Variants in IGF2BP3 observed in about 807,000 individuals in gnomAD.
IGF2BP3 encodes the protein insulin like growth factor 2 mRNA binding protein 3.
A neutral mutation model predicts 73.8 loss-of-function variants in IGF2BP3; 9 were observed. The observed-to-expected ratio is 0.12, with a 90% confidence interval of 0.07 to 0.21. The LOEUF (loss-of-function observed/expected upper bound fraction) is 0.21. Among genes scored for constraint, IGF2BP3 ranks in the 10% least tolerant of loss-of-function variants. IGF2BP3 has a pLI of 1.00. For synonymous variants in IGF2BP3, 258 were observed against 256.7 expected (o/e 1.01, Z -0.05); for missense variants, 542 against 714.0 (o/e 0.76, Z 2.75).
chr7:23,386,883 A>G (rs533703411), intron 3 of IGF2BP3, among the ~76,000 whole-genome samples: 7 of 152,240 alleles, frequency 4.6e-5, no homozygotes, highest in African/African-American at 1.4e-4. Flanking sequence ...CCTGGCCAAT[A>G]TGGTGAAACC....
At chr7:23,366,988 CTTTTTT>C (rs397942338) in intron 3 of IGF2BP3, among the ~76,000 whole-genome samples, 7 of 116,184 alleles carry the variant, frequency 6.0e-5, no homozygotes, top group African/African-American at 2.3e-4. Flanking sequence ...TCACATTTTG[CTTTTTT>C]TTTTTTTTTT....
chr7:23,416,945 A>G (rs1229643787), intron 3 of IGF2BP3, among the ~76,000 whole-genome samples: 2 of 152,180 alleles, frequency 1.3e-5, no homozygotes, highest in African/African-American at 4.8e-5. Context: ...AATCCCAACT[A>G]CTAGTGAGGC....
chr7:23,448,096 C>A (rs6956228), intron 2 of IGF2BP3, among the ~76,000 whole-genome samples: 102 of 152,136 alleles, frequency 6.7e-4, no homozygotes, highest in African/African-American at 2.3e-3. Flanking sequence ...TGTCAGAGGC[C>A]GGACTCTCCA....
At chr7:23,376,496 C>T (rs937005676) in intron 3 of IGF2BP3, among the ~76,000 whole-genome samples, 1 of 142,172 alleles carries the variant, frequency 7.0e-6, no homozygotes, top group African/African-American at 2.6e-5. Context: ...GATCACACCA[C>T]TGCACTTTAG....
At chr7:23,458,611 T>A (rs187086673) in intron 2 of IGF2BP3, among the ~76,000 whole-genome samples, 40 of 152,174 alleles carry the variant, frequency 2.6e-4, no homozygotes, top group Non-Finnish European at 4.6e-4. Flanking sequence ...TAACCTCCTA[T>A]CTCTTTAGGC....
At chr7:23,455,397 A>G (rs1418544843) in intron 2 of IGF2BP3, among the ~76,000 whole-genome samples, 1 of 152,062 alleles carries the variant, frequency 6.6e-6, no homozygotes, top group African/African-American at 2.4e-5. Flanking sequence ...CTGGGTGCAC[A>G]CGGTTATTAG....
chr7:23,419,621 G>A (rs1787288012), intron 2 of IGF2BP3, among the ~76,000 whole-genome samples: 1 of 152,186 alleles, frequency 6.6e-6, no homozygotes, highest in African/African-American at 2.4e-5. Flanking sequence ...GGTGGCCAAG[G>A]CAGGTGGATC....
Position 23,312,452 on chromosome 7 carries a change from C to T in IGF2BP3, c.1650G>A (p.Gln550=), listed in dbSNP as rs1346870154. 6.2e-7 allele frequency: 1 copy of T among 1,612,270 alleles called. No individual in the cohort carries two copies. Among genetic ancestry groups the T allele is most frequent in the Non-Finnish European group, 8.5e-7 (1 of 1,178,440 alleles). Reference sequence around the variant, plus strand: ...GAGTCAGAATTTCCTGAATTTTTCTCTGGGCAACCTAGAAAAGGACAGAGC... The same window carrying T: ...GAGTCAGAATTTCCTGAATTTTTCTTTGGGCAACCTAGAAAAGGACAGAGC... The part of the protein sequence containing the change: ...TGHFYACQVA[Q]RKIQEILTQV... The change falls in exon 15 of 15, where the codon CAG becomes CAA. Residue 550 remains glutamine, a synonymous_variant. Transcript: ENST00000258729.
intron 2 of IGF2BP3, among the ~76,000 whole-genome samples, chr7:23,435,299 A>C (rs1787782871): frequency 1.4e-5 from 2 of 140,396 alleles, no homozygotes; most frequent in African/African-American, 3.1e-5. Context: ...TCTCAAAAAA[A>C]AAAAAAAAAA....
chr7:23,340,391 G>GT, intron 10 of IGF2BP3, among the ~76,000 whole-genome samples: 1 of 152,288 alleles, frequency 6.6e-6, no homozygotes, highest in Non-Finnish European at 1.5e-5. Flanking sequence ...AATCAGTTTG[G>GT]TGGGTTCAAG....
intron 10 of IGF2BP3, among the ~76,000 whole-genome samples, chr7:23,321,378 G>A (rs1253753064): frequency 2.0e-5 from 3 of 152,302 alleles, no homozygotes; most frequent in East Asian, 1.9e-4. Context: ...CTTAAAAAAC[G>A]GCACACCAGG....
At chr7:23,397,545 C>T (rs1324206765) in intron 3 of IGF2BP3, among the ~76,000 whole-genome samples, 1 of 152,190 alleles carries the variant, frequency 6.6e-6, no homozygotes, top group Non-Finnish European at 1.5e-5. Context: ...ATGCCTCCTT[C>T]AACACCTAAC....
chr7:23,310,280 T>A lies in IGF2BP3; in HGVS notation c.*2082A>T, dbSNP rs1179048891. On this transcript the variant is annotated 3_prime_UTR_variant, in exon 15 of 15. Transcript: ENST00000258729. ...AAATGAAGCTGCATTTGGGGCACAT[T>A]ATACATGAGGAATGATCCATATATG... The A allele has an allele frequency of 6.6e-6, 1 of 152,222 alleles. No homozygotes were observed. The highest frequency in any genetic ancestry group is 6.5e-5 in the Admixed American group (1 of 15,276). 9.4% of individuals were successfully genotyped at this position (152,222 alleles called of 1,614,324 possible).
intron 3 of IGF2BP3, among the ~76,000 whole-genome samples, chr7:23,373,871 T>A (rs558458549): frequency 6.6e-6 from 1 of 152,196 alleles, no homozygotes; most frequent in Non-Finnish European, 1.5e-5. Context: ...TGAGCTCACA[T>A]GAGATCTGGT....
chr7:23,363,037 G>C (rs1457660579), intron 3 of IGF2BP3, among the ~76,000 whole-genome samples: 1 of 152,086 alleles, frequency 6.6e-6, no homozygotes, highest in Non-Finnish European at 1.5e-5. Flanking sequence ...TTACAGACGT[G>C]AGCCACTTAG....
chr7:23,441,335 G>T (rs1787927892), intron 2 of IGF2BP3, among the ~76,000 whole-genome samples: 1 of 152,054 alleles, frequency 6.6e-6, no homozygotes, highest in African/African-American at 2.4e-5. Flanking sequence ...AGCACTTTGG[G>T]AGGCCGAGGT....
intron 2 of IGF2BP3, among the ~76,000 whole-genome samples, chr7:23,430,400 A>T (rs1454654716): frequency 6.6e-6 from 1 of 152,316 alleles, no homozygotes; most frequent in South Asian, 2.1e-4. Context: ...AAACTGGAAC[A>T]CAAGGTTCGG....
chr7:23,457,460 T>C (rs1291780397), intron 2 of IGF2BP3, among the ~76,000 whole-genome samples: 1 of 151,878 alleles, frequency 6.6e-6, no homozygotes, highest in East Asian at 1.9e-4. Context: ...AAGACCCTGT[T>C]TCAAAAAAAA....
At chr7:23,368,343 AAAAGAAAG>A (rs58687904) in intron 3 of IGF2BP3, among the ~76,000 whole-genome samples, 4,899 of 137,988 alleles carry the variant, frequency 0.036, 116 homozygotes, top group South Asian at 0.077. Context: ...AAGAAAGAAA[AAAAGAAAG>A]AAAGAAAGAA....
Sources: gnomAD v4.1 joint callset for allele counts (sites outside exome capture counted in the v4.1 genomes callset) on GRCh38, gnomAD v4.1.1 for gene constraint, MANE v1.5 for transcripts, NCBI Gene and HGNC (gene_info 2026-07-23, HGNC 2026-07-21) for gene names.